Variants in ADRA1B observed in about 807,000 individuals in gnomAD.
The protein encoded by ADRA1B is adrenoceptor alpha 1B, also known as alpha-1B adrenergic receptor.
A neutral mutation model predicts 17.9 loss-of-function variants in ADRA1B; 17 were observed. That is an observed-to-expected ratio of 0.95 (90% CI 0.65 to 1.42). The LOEUF is 1.42. Ranked by LOEUF, ADRA1B falls within the 40% of genes most tolerant of loss-of-function variation. The pLI, the probability that ADRA1B is intolerant of heterozygous loss-of-function variation, is 0.00. For missense variants in ADRA1B, 681 were observed against 722.1 expected (o/e 0.94, Z 0.65); for synonymous variants, 366 against 327.6 (o/e 1.12, Z -1.27).
intron 1 of ADRA1B, among the ~76,000 whole-genome samples, chr5:159,919,875 C>T (rs1212146333): frequency 1.3e-5 from 2 of 152,182 alleles, no homozygotes; most frequent in Non-Finnish European, 2.9e-5. Context: ...GGGAAGAACA[C>T]GGCTCTGGTG....
At chr5:159,951,197 G>A in intron 1 of ADRA1B, 1 of 777,216 alleles carries the variant, frequency 1.3e-6, no homozygotes, top group South Asian at 1.3e-5. Flanking sequence ...CATGGTGAAA[G>A]ACGCTGGTGG....
intron 1 of ADRA1B, among the ~76,000 whole-genome samples, chr5:159,897,225 C>T (rs1448807378): frequency 5.9e-5 from 9 of 152,158 alleles, no homozygotes; most frequent in East Asian, 1.9e-4. Context: ...TGGTGGCTCA[C>T]GCCTGTAATC....
In ADRA1B at chr5:159,874,254, C is replaced by G. The variant is rs138690233; in HGVS notation, c.-256+9048C>G. Among the ~76,000 whole-genome samples, 8 of 152,312 alleles carry G rather than the reference C, an allele frequency of 5.3e-5. No homozygotes were observed. The East Asian group carries it at 1.5e-3, about 29-fold the overall frequency. On this transcript the variant is annotated intron_variant, in intron 1 of 2. Transcript: ENST00000641205. ...CTTCCAAAAGCCATCAAGTCCACCT[C>G]TCTGCCCTTGGGAAGAACCTCCCAC...
At chr5:159,947,339 C>CT (rs1204303100) in intron 1 of ADRA1B, among the ~76,000 whole-genome samples, 1 of 151,298 alleles carries the variant, frequency 6.6e-6, no homozygotes, top group East Asian at 1.9e-4. Context: ...GAAACTCCAT[C>CT]TTAAAAAAAA....
At chr5:159,956,031 C>A (rs1755544933) in intron 1 of ADRA1B, among the ~76,000 whole-genome samples, 1 of 152,108 alleles carries the variant, frequency 6.6e-6, no homozygotes, top group African/African-American at 2.4e-5. Context: ...TCACTTGAGC[C>A]CAAGGTTTTG....
chr5:159,972,693 C>T lies in ADRA1B; in HGVS notation c.*201C>T. 2 of 626,560 alleles carry T rather than the reference C, an allele frequency of 3.2e-6. No homozygotes were observed. Among genetic ancestry groups the T allele is most frequent in the Non-Finnish European group, 5.0e-6 (2 of 396,502 alleles). 38.8% of individuals were successfully genotyped at this position (626,560 alleles called of 1,614,324 possible). ...GTACCACGCGGAAAGCCGGGCCGAGCATGCTGAGAGCCTGGGGGACCCGAC... is the reference window on the plus strand; with the variant it reads ...GTACCACGCGGAAAGCCGGGCCGAGTATGCTGAGAGCCTGGGGGACCCGAC... On this transcript the variant is annotated 3_prime_UTR_variant, in exon 2 of 2. Transcript: ENST00000306675.
intron 1 of ADRA1B, among the ~76,000 whole-genome samples, chr5:159,883,239 A>G (rs1753883095): frequency 1.3e-5 from 2 of 152,114 alleles, no homozygotes; most frequent in Admixed American, 6.5e-5. Context: ...TCAAACTCCC[A>G]AGAAGAGTTT....
chr5:159,903,015 C>T (rs898635378), intron 1 of ADRA1B, among the ~76,000 whole-genome samples: 2 of 152,164 alleles, frequency 1.3e-5, no homozygotes, highest in African/African-American at 2.4e-5. Context: ...TGCTGCATCC[C>T]CCGCGGTTAC....
upstream of ADRA1B, among the ~76,000 whole-genome samples, chr5:159,915,456 T>C (rs1360740563): frequency 6.6e-6 from 1 of 152,258 alleles, no homozygotes; most frequent in Non-Finnish European, 1.5e-5. Context: ...TTTCTTTCTT[T>C]CTTTCTTGGC....
intron 1 of ADRA1B, among the ~76,000 whole-genome samples, chr5:159,905,213 T>C (rs1192997245): frequency 6.6e-6 from 1 of 152,072 alleles, no homozygotes; most frequent in East Asian, 1.9e-4. Flanking sequence ...GAAGAGAGGG[T>C]TGCAGAGAGG....
At chr5:159,959,738 A>T (rs1329273264) in intron 1 of ADRA1B, among the ~76,000 whole-genome samples, 1 of 152,174 alleles carries the variant, frequency 6.6e-6, no homozygotes, top group Non-Finnish European at 1.5e-5. Context: ...ATGTGAAGAT[A>T]TCATTACTTC....
intron 1 of ADRA1B, chr5:159,950,383 G>T: frequency 1.6e-6 from 1 of 635,162 alleles, no homozygotes. Flanking sequence ...GAAACTGTGA[G>T]GAGGGGAGAG....
rs539550197 is a variant in ADRA1B at position 159,903,849 on chromosome 5, C to T, written c.-255-12270C>T. On this transcript the variant is annotated intron_variant, in intron 1 of 2. Coordinates refer to the ADRA1B transcript ENST00000641205. The stretch of plus-strand genomic sequence containing the variant: ...TCCCCTAGAGCTGGAGGGGAGGGTC[C>T]GCCTGGGCCCGACAGGTGGAAGACT... Among the ~76,000 whole-genome samples, 16 of 152,146 alleles carry T rather than the reference C, an allele frequency of 1.1e-4. No individual in the cohort carries two copies. In the East Asian group the frequency reaches 1.5e-3, roughly 15 times the overall value.
chr5:159,899,451 T>C (rs1247294361), intron 1 of ADRA1B, among the ~76,000 whole-genome samples: 1 of 152,164 alleles, frequency 6.6e-6, no homozygotes, highest in Non-Finnish European at 1.5e-5. Flanking sequence ...GAAAATTGAT[T>C]GACAGCCATG....
rs1280266642 is a variant in ADRA1B at position 159,972,757 on chromosome 5, T to G, written c.*265T>G. On this transcript the variant is annotated 3_prime_UTR_variant, in exon 2 of 2. Coordinates refer to ENST00000306675, the MANE Select transcript of ADRA1B (RefSeq NM_000679.4). ...ACCTCTCTCTCTCCCTCTGTGTATATATAAACGAGTCCCTCTCTACTTGTA... is the reference window on the plus strand; with the variant it reads ...ACCTCTCTCTCTCCCTCTGTGTATAGATAAACGAGTCCCTCTCTACTTGTA... Among the ~76,000 whole-genome samples, 1 of 152,134 alleles carries G rather than the reference T, an allele frequency of 6.6e-6. No individual in the cohort carries two copies. Among genetic ancestry groups the G allele is most frequent in the African/African-American group, 2.4e-5 (1 of 41,450 alleles).
At chr5:159,906,046 G>C (rs1161151399) in intron 1 of ADRA1B, among the ~76,000 whole-genome samples, 2 of 152,090 alleles carry the variant, frequency 1.3e-5, no homozygotes, top group African/African-American at 4.8e-5. Context: ...GTAGAGATAG[G>C]GTTTCGCCAC....
Position 159,972,040 on chromosome 5 carries a change from G to GGCCGCCGCCGACGCC in ADRA1B, c.1122_1136dup (p.Arg376_Arg380dup), listed in dbSNP as rs777582523. 7 of 1,378,306 alleles carry GGCCGCCGCCGACGCC rather than the reference G, an allele frequency of 5.1e-6. No homozygotes were observed. Among genetic ancestry groups the GGCCGCCGCCGACGCC allele is most frequent in the Non-Finnish European group, 6.6e-6 (7 of 1,064,644 alleles). The allele number at this position is 1,378,306 out of a possible 1,614,324, so 85.4% of individuals were successfully genotyped here. A position where few individuals can be genotyped will look rare whatever the true frequency, so the allele number is the denominator to read the frequency against. Reference sequence around the variant, plus strand: ...CCTCGGGTGCCAGTGCCGCGGCCGCGGCCGCCGCCGACGCCGCCGCCGCCG... The same window carrying GGCCGCCGCCGACGCC: ...CCTCGGGTGCCAGTGCCGCGGCCGCGGCCGCCGCCGACGCCGCCGCCGCCGACGCCGCCGCCGCCG... On this transcript the variant is annotated inframe_insertion, in exon 2 of 2. Coordinates refer to ENST00000306675, the MANE Select transcript of ADRA1B (RefSeq NM_000679.4).
chr5:159,964,451 C>T (rs556617349), intron 1 of ADRA1B, among the ~76,000 whole-genome samples: 1 of 152,148 alleles, frequency 6.6e-6, no homozygotes, highest in Non-Finnish European at 1.5e-5. Context: ...GTAAATGATG[C>T]AAGTTTTAAA....
At chr5:159,922,662 T>A (rs1207219335) in intron 1 of ADRA1B, among the ~76,000 whole-genome samples, 2 of 152,072 alleles carry the variant, frequency 1.3e-5, no homozygotes, top group Non-Finnish European at 2.9e-5. Context: ...GGATTGGGCA[T>A]TTTGTCAGCC....
Sources: allele counts gnomAD v4.1 joint callset (sites outside exome capture counted in the v4.1 genomes callset), GRCh38; gene constraint gnomAD v4.1.1; transcripts MANE v1.5; gene names NCBI Gene and HGNC (gene_info 2026-07-23, HGNC 2026-07-21).